The following ATP8B1 variants were observed in gnomAD, a reference collection of about 807,000 sequenced individuals.
ATP8B1 encodes ATPase phospholipid transporting 8B1, also known as phospholipid-transporting ATPase IC.
In ATP8B1, 80 loss-of-function variants were observed where a neutral mutation model predicts 149.9. The observed-to-expected ratio is 0.53, with a 90% CI of 0.45 to 0.64. ATP8B1 has a LOEUF of 0.64. Among genes scored for constraint, ATP8B1 ranks in the 30% least tolerant of loss-of-function variants. The pLI is 0.00. For synonymous variants in ATP8B1, 536 were observed against 562.8 expected (o/e 0.95, Z 0.67); for missense variants, 1,247 against 1,552.6 (o/e 0.80, Z 3.31).
intron 23 of ATP8B1, among the ~76,000 whole-genome samples, chr18:57,654,631 C>T (rs1909863092): frequency 6.6e-6 from 1 of 150,702 alleles, no homozygotes; most frequent in African/African-American, 2.4e-5. Context: ...GTTATCGCTA[C>T]TCTTAATGTC....
intron 1 of ATP8B1, chr18:57,755,415 A>G (rs2080067430): frequency 6.6e-6 from 1 of 152,210 alleles, no homozygotes; most frequent in South Asian, 2.1e-4. Context: ...GGCAGCACAT[A>G]TACTAAAATT....
rs893888150 is a variant in ATP8B1, at chr18:57,688,180, C to G, written c.1429+119G>C. On this transcript the variant is annotated intron_variant, in intron 13 of 27. Coordinates refer to ENST00000648908, the MANE Select transcript of ATP8B1 (RefSeq NM_001374385.1). ...CTTAGCTGGAGAATGGCCCTAGCAGCAGGACTCTGCATCGAGAGGGCACCA... is the reference window on the plus strand; with the variant it reads ...CTTAGCTGGAGAATGGCCCTAGCAGGAGGACTCTGCATCGAGAGGGCACCA... 108 of 1,120,598 alleles carry G rather than the reference C, an allele frequency of 9.6e-5. 2 individuals are homozygous for G. In the Middle Eastern group the frequency reaches 1.1e-3, roughly 12 times the overall value. 69.4% of individuals were successfully genotyped at this position (1,120,598 alleles called of 1,614,324 possible).
chr18:57,654,086 A>G lies in ATP8B1; in HGVS notation c.2932-11T>C, dbSNP rs368235901. 6.2e-7 allele frequency: 1 copy of G among 1,607,916 alleles called. No individual in the cohort carries two copies. The highest frequency in any genetic ancestry group is 1.3e-5 in the African/African-American group (1 of 74,806). ...ATCCTCGTATGCAGTCTGTGAGGGG[A>G]TGACAGAGGCTCCATGTCACCAACA... On this transcript the variant is annotated splice_polypyrimidine_tract_variant and intron_variant, in intron 23 of 27. Transcript: ENST00000648908.
chr18:57,660,232 A>G (rs1910302452), intron 22 of ATP8B1, among the ~76,000 whole-genome samples: 2 of 152,180 alleles, frequency 1.3e-5, no homozygotes, highest in Admixed American at 6.5e-5. Flanking sequence ...GCAGGACTCA[A>G]TATTTTAATT....
chr18:57,718,981 T>G (rs2079611124), intron 2 of ATP8B1, among the ~76,000 whole-genome samples: 1 of 152,186 alleles, frequency 6.6e-6, no homozygotes, highest in Non-Finnish European at 1.5e-5. Context: ...GGATGCCTAC[T>G]TTCACCAGAA....
At chr18:57,711,347 G>A (rs1291428679) in intron 2 of ATP8B1, among the ~76,000 whole-genome samples, 1 of 152,180 alleles carries the variant, frequency 6.6e-6, no homozygotes, top group Admixed American at 6.5e-5. Context: ...AAATATGGTA[G>A]GAATTACCTC....
At chr18:57,669,290 AG>A (rs1911083739) in intron 18 of ATP8B1, 27 bp downstream of exon 18, 1 of 1,573,042 alleles carries the variant, frequency 6.4e-7, no homozygotes, top group African/African-American at 1.4e-5. Context: ...AGAATATCAA[AG>A]AAAAAGTTAT....
intron 1 of ATP8B1, among the ~76,000 whole-genome samples, chr18:57,788,412 G>A (rs1377727977): frequency 2.0e-5 from 3 of 151,910 alleles, no homozygotes; most frequent in Non-Finnish European, 4.4e-5. Context: ...ACAATTAGTC[G>A]GGCGTGGTGG....
At chr18:57,779,773 G>A (rs1308424417) in intron 1 of ATP8B1, among the ~76,000 whole-genome samples, 1 of 151,920 alleles carries the variant, frequency 6.6e-6, no homozygotes, top group Non-Finnish European at 1.5e-5. Context: ...GGTGGCGGGT[G>A]CCTGTAATCC....
chr18:57,685,224 G>A, intron 13 of ATP8B1, 109 bp from the exon 14 acceptor site: 1 of 1,176,678 alleles, frequency 8.5e-7, no homozygotes, highest in Non-Finnish European at 1.2e-6. Context: ...ATACGGCCTG[G>A]ACAGGCTAAA....
rs114333763 is a variant in ATP8B1 at position 57,743,246 on chromosome 18, G to A, written c.-25-11414C>T. On this transcript the variant is annotated intron_variant, in intron 1 of 27. Coordinates refer to ENST00000648908, the MANE Select transcript of ATP8B1 (RefSeq NM_001374385.1). ...CACATATCCCAGCTCTGTGCTCTCT[G>A]TGGTACAGTGAACGCATCGTAGATT... Among the ~76,000 whole-genome samples the A allele has an allele frequency of 4.8e-3, 732 of 152,152 alleles. 4 individuals are homozygous for A. Among genetic ancestry groups the A allele is most frequent in the African/African-American group, 0.017 (709 of 41,506 alleles).
chr18:57,707,118 AAGGTG>A (rs1913441063), intron 2 of ATP8B1, among the ~76,000 whole-genome samples: 1 of 152,178 alleles, frequency 6.6e-6, no homozygotes, highest in Non-Finnish European at 1.5e-5. Context: ...CAGCCTGGCC[AAGGTG>A]GTGAAACCCC....
chr18:57,759,741 C>A (rs759805108), intron 1 of ATP8B1, among the ~76,000 whole-genome samples: 37 of 151,918 alleles, frequency 2.4e-4, no homozygotes, highest in Non-Finnish European at 5.1e-4. Context: ...ACGGCATGAA[C>A]CCGGGAGGCG....
In ATP8B1 at chr18:57,668,437, T is replaced by G. The variant is rs1290547228; in HGVS notation, c.2201A>C (p.Asp734Ala). Reference protein sequence around the residue: ...ADIKIWVLTGDKKETAENIGF... With the variant: ...ADIKIWVLTGAKKETAENIGF... ...CCTGCACAATGAATTACCCTTTTTGTCTCCAGTAAGCACCCAGATCTTAAT... is the reference window on the plus strand; with the variant it reads ...CCTGCACAATGAATTACCCTTTTTGGCTCCAGTAAGCACCCAGATCTTAAT... Residue 734 changes from aspartate to alanine, a missense_variant, in exon 19 of 28, where the codon GAC (aspartate) becomes GCC (alanine). Transcript: ENST00000648908. 9 of 1,604,608 alleles carry G rather than the reference T, an allele frequency of 5.6e-6. No homozygotes were observed. Among genetic ancestry groups the G allele is most frequent in the Non-Finnish European group, 6.8e-6 (8 of 1,171,660 alleles).
At chr18:57,662,656 T>C (rs1462440855) in intron 20 of ATP8B1, 41 bp from the exon 21 acceptor site, 1 of 1,609,072 alleles carries the variant, frequency 6.2e-7, no homozygotes, top group Admixed American at 1.7e-5. Context: ...TGTAAGACCC[T>C]AAATAGGCCC....
At position 57,685,090 on chromosome 18, in the gene ATP8B1, G is replaced by A. The variant is rs778671941; in HGVS notation, c.1455C>T (p.His485=). The change falls in exon 14 of 28, where the codon CAC becomes CAT. Residue 485 remains histidine (H), a synonymous_variant. Coordinates refer to ENST00000648908, the MANE Select transcript of ATP8B1 (RefSeq NM_001374385.1). ...IYGDHRDASQ[H]NHNKIEQVDF... ...GTCTTACCTCTATTTTGTTGTGGTT[G>A]TGTTGAGAGGCATCCCGATGGTCCC... 2.5e-6 allele frequency: 4 copies of A among 1,614,206 alleles called. No homozygotes were observed. The highest frequency in any genetic ancestry group is 3.4e-6 in the Non-Finnish European group (4 of 1,180,030).
In ATP8B1 at chr18:57,674,805, T is replaced by C. The variant is rs538816070; in HGVS notation, c.1819+29A>G. The C allele has an allele frequency of 1.9e-6, 3 of 1,611,320 alleles. No individual in the cohort carries two copies. The African/African-American group carries it at 4.0e-5, about 21-fold the overall frequency. ...GCACAAGCAACATCTAAATGAGCGA[T>C]TCATAGACAGACTCTGAGGGGGACT... On this transcript the variant is annotated intron_variant, in intron 16 of 27. Transcript: ENST00000648908.
At chr18:57,663,176 A>T (rs1910600899) in intron 20 of ATP8B1, among the ~76,000 whole-genome samples, 1 of 152,228 alleles carries the variant, frequency 6.6e-6, no homozygotes, top group African/African-American at 2.4e-5. Flanking sequence ...ATATATGTGA[A>T]ATCAAACAGT....
rs188571070 is a variant in ATP8B1, at chr18:57,781,610, A to G, written c.-26+21388T>C. On this transcript the variant is annotated intron_variant, in intron 1 of 27. Coordinates refer to ENST00000648908, the MANE Select transcript of ATP8B1 (RefSeq NM_001374385.1). ...TTATTGAATGCCTACTAGGTTGTGGACTCCAGGGATGAAGAAGATACGTGA... is the reference window on the plus strand; with the variant it reads ...TTATTGAATGCCTACTAGGTTGTGGGCTCCAGGGATGAAGAAGATACGTGA... Among the ~76,000 whole-genome samples, 230 of 152,272 alleles carry G rather than the reference A, an allele frequency of 1.5e-3. 1 individual carries two copies. The highest frequency in any genetic ancestry group is 2.8e-3 in the Non-Finnish European group (193 of 68,028).
Sources: gnomAD v4.1 joint callset for allele counts (sites outside exome capture counted in the v4.1 genomes callset) on GRCh38, gnomAD v4.1.1 for gene constraint, MANE v1.5 for transcripts, NCBI Gene and HGNC (gene_info 2026-07-23, HGNC 2026-07-21) for gene names.